Variants in NCAM1 observed in about 807,000 individuals in gnomAD.
NCAM1 encodes the protein neural cell adhesion molecule 1.
In NCAM1, 14 loss-of-function variants were observed where a neutral mutation model predicts 109.8. The ratio of observed to expected loss-of-function variants is 0.13; its 90% CI spans 0.08 to 0.20. NCAM1 has a LOEUF of 0.20. Ranked by LOEUF, NCAM1 falls within the 10% of genes least tolerant of loss-of-function variation. NCAM1 has a pLI of 1.00. For synonymous variants in NCAM1, 418 were observed against 442.9 expected (o/e 0.94, Z 0.70); for missense variants, 774 against 1,109.9 (o/e 0.70, Z 4.30).
At chr11:113,026,772 AC>A in intron 1 of NCAM1, among the ~76,000 whole-genome samples, 1 of 152,310 alleles carries the variant, frequency 6.6e-6, no homozygotes, top group African/African-American at 2.4e-5. Flanking sequence ...TTTATTAAGC[AC>A]CTGCTAGGCA....
At chr11:112,982,224 A>G (rs1940724) in intron 1 of NCAM1, among the ~76,000 whole-genome samples, 68,524 of 151,888 alleles carry the variant, frequency 0.45, 16,343 homozygotes, top group East Asian at 0.8. Flanking sequence ...CCCCTTGTAG[A>G]TAGCCTTTAT....
intron 1 of NCAM1, among the ~76,000 whole-genome samples, chr11:113,129,971 G>GT (rs1941325297): frequency 6.6e-6 from 1 of 152,156 alleles, no homozygotes; most frequent in Admixed American, 6.5e-5. Context: ...TTATTATCAC[G>GT]TTTTTTAACA....
intron 1 of NCAM1, among the ~76,000 whole-genome samples, chr11:113,170,564 G>T (rs553173426): frequency 6.6e-6 from 1 of 152,284 alleles, no homozygotes; most frequent in South Asian, 2.1e-4. Context: ...TTGTGTTGAG[G>T]AATTGGTCTT....
chr11:113,000,141 C>T (rs1951706504), intron 1 of NCAM1, among the ~76,000 whole-genome samples: 1 of 152,106 alleles, frequency 6.6e-6, no homozygotes, highest in Non-Finnish European at 1.5e-5. Flanking sequence ...AACTTAATAT[C>T]ACTATCCGAA....
rs1055828226 is a variant in NCAM1 at position 113,182,760 on chromosome 11, C to T, written c.53-19619C>T. ...GTGGAGAGTCGAGCGAGCAGAGCCC[C>T]CGACTGGGGAGCGGGGCTGCAAGAG... On this transcript the variant is annotated intron_variant, in intron 1 of 19. Transcript: ENST00000316851. Among the ~76,000 whole-genome samples the T allele has an allele frequency of 5.3e-5, 8 of 152,152 alleles. 1 individual carries two copies.
chr11:112,995,445 A>G (rs556571293), intron 1 of NCAM1, among the ~76,000 whole-genome samples: 22 of 152,338 alleles, frequency 1.4e-4, no homozygotes, highest in South Asian at 8.3e-4. Flanking sequence ...AATGTTAACT[A>G]ACTTAAGAGT....
At chr11:113,050,345 C>T (rs1953431107) in intron 1 of NCAM1, among the ~76,000 whole-genome samples, 1 of 152,166 alleles carries the variant, frequency 6.6e-6, no homozygotes, top group South Asian at 2.1e-4. Context: ...ACTACTGGCT[C>T]AGGCGCTGAC....
chr11:113,274,710 T>A lies in NCAM1; in HGVS notation c.2457-557T>A, dbSNP rs1946367647. On this transcript the variant is annotated intron_variant, in intron 19 of 19. Transcript: ENST00000316851. The surrounding 1 kb of genome is among the most constrained non-coding windows in gnomAD (Gnocchi z 4.1). ...CCATGAAAAGCTGCCTCCATCAGTG[T>A]TTTCTCACCCTACCCAGGCAGGCCC... is the stretch of plus-strand genomic sequence containing the variant. Among the ~76,000 whole-genome samples, 1 of 152,144 alleles carries A rather than the reference T, an allele frequency of 6.6e-6. No homozygotes were observed. The highest frequency in any genetic ancestry group is 6.5e-5 in the Admixed American group (1 of 15,268).
intron 19 of NCAM1, 96 bp downstream of exon 19, chr11:113,271,972 C>G: frequency 1.2e-6 from 1 of 867,322 alleles, no homozygotes; most frequent in Non-Finnish European, 1.7e-6. Context: ...ACCCACAGCT[C>G]CCGGCCAAAC....
chr11:113,249,815 G>T (rs529324679), intron 15 of NCAM1, among the ~76,000 whole-genome samples: 1 of 152,284 alleles, frequency 6.6e-6, no homozygotes, highest in East Asian at 1.9e-4. Context: ...GTCAGAGCTC[G>T]TTGGTTGCTG....
intron 1 of NCAM1, among the ~76,000 whole-genome samples, chr11:113,013,830 T>C (rs1202049091): frequency 2.6e-5 from 4 of 152,260 alleles, no homozygotes; most frequent in Non-Finnish European, 5.9e-5. Flanking sequence ...GCTTTATCTA[T>C]ATTTATAAAA....
chr11:113,260,110 G>T lies in NCAM1; in HGVS notation c.1954-36G>T, dbSNP rs1555123006. ...AGTACTTTTATCTAAAGCTTTTTTG[G>T]TCTCTTGTATCCTTCTTGCCGGTTT... On this transcript the variant is annotated intron_variant, in intron 16 of 19. Coordinates refer to ENST00000316851, the MANE Select transcript of NCAM1 (RefSeq NM_181351.5). 7.7e-6 allele frequency: 12 copies of T among 1,554,764 alleles called. No homozygotes were observed. The Admixed American group carries it at 1.0e-4, about 13-fold the overall frequency.
chr11:113,246,862 G>A (rs1945514682), intron 15 of NCAM1, among the ~76,000 whole-genome samples: 1 of 152,206 alleles, frequency 6.6e-6, no homozygotes, highest in Non-Finnish European at 1.5e-5. Flanking sequence ...AACCCAGTGA[G>A]AGTGCTTCAT....
intron 9 of NCAM1, chr11:113,231,328 A>G: frequency 6.6e-7 from 1 of 1,526,680 alleles, no homozygotes; most frequent in African/African-American, 1.4e-5. Context: ...CTTTGCTTCC[A>G]TTTTAGACAT....
intron 16 of NCAM1, among the ~76,000 whole-genome samples, chr11:113,256,858 G>T (rs145121033): frequency 6.6e-6 from 1 of 152,184 alleles, no homozygotes; most frequent in Non-Finnish European, 1.5e-5. Flanking sequence ...CTGGGGTTTC[G>T]TAGTAGAGAA....
intron 9 of NCAM1, 185 bp from the exon 10 acceptor site, chr11:113,231,460 C>T: frequency 1.2e-6 from 1 of 864,586 alleles, no homozygotes; most frequent in Non-Finnish European, 1.8e-6. Context: ...ATGCTGCTTC[C>T]CAGTGCCTCC....
chr11:113,033,282 A>G (rs933238141), intron 1 of NCAM1, among the ~76,000 whole-genome samples: 8 of 152,280 alleles, frequency 5.3e-5, no homozygotes, highest in Non-Finnish European at 2.9e-5. Flanking sequence ...TCCATATCCT[A>G]AAGTAGTAGT....
intron 9 of NCAM1, 122 bp downstream of exon 9, chr11:113,221,447 A>T: frequency 9.7e-7 from 1 of 1,031,728 alleles, no homozygotes. Context: ...GAATAGGTCG[A>T]TAGTGGTAGA....
At chr11:113,098,377 T>C (rs1351370245) in intron 1 of NCAM1, among the ~76,000 whole-genome samples, 1 of 152,226 alleles carries the variant, frequency 6.6e-6, no homozygotes, top group African/African-American at 2.4e-5. Context: ...TTGAATCATC[T>C]CTAGATTACT....
Sources: gnomAD v4.1 joint callset for allele counts (sites outside exome capture counted in the v4.1 genomes callset) on GRCh38, gnomAD v4.1.1 for gene constraint, Gnocchi (gnomAD v3.1) non-coding constraint, MANE v1.5 for transcripts, NCBI Gene and HGNC (gene_info 2026-07-23, HGNC 2026-07-21) for gene names.